The following MLLT10 variants were observed in gnomAD, a reference collection of about 807,000 sequenced individuals.
MLLT10 encodes protein AF-10.
In MLLT10, 30 loss-of-function variants were observed where a neutral mutation model predicts 129.1. That is an observed-to-expected ratio of 0.23 (90% confidence interval 0.17 to 0.32). MLLT10 has a LOEUF of 0.32. Among genes scored for constraint, MLLT10 ranks in the 10% least tolerant of loss-of-function variants. MLLT10 has a pLI of 1.00. For synonymous variants in MLLT10, 490 were observed against 446.4 expected, an observed-to-expected ratio of 1.10 and a Z score of -1.23; for missense variants, 1,119 against 1,268.3, an observed-to-expected ratio of 0.88 and a Z score of 1.79.
At chr10:21,726,416 C>T (rs1030554574) in intron 15 of MLLT10, 61 bp downstream of exon 15, 34 of 1,189,922 alleles carry the variant, frequency 2.9e-5, no homozygotes, top group Non-Finnish European at 3.9e-5. Context: ...ATTTTTTTCC[C>T]CTTTTGGTTC....
intron 3 of MLLT10, among the ~76,000 whole-genome samples, chr10:21,562,768 C>T (rs553454308): frequency 3.4e-4 from 51 of 148,080 alleles, no homozygotes; most frequent in Non-Finnish European, 5.8e-4. Context: ...TTTCTGTGTA[C>T]GAATCTTGCG....
At chr10:21,571,781 T>C (rs1469848728) in intron 3 of MLLT10, among the ~76,000 whole-genome samples, 3 of 152,196 alleles carry the variant, frequency 2.0e-5, no homozygotes, top group African/African-American at 7.2e-5. Flanking sequence ...TTGCTATTCT[T>C]TGTTTTCTTT....
At chr10:21,690,692 T>C (rs963994635) in intron 13 of MLLT10, among the ~76,000 whole-genome samples, 6 of 152,100 alleles carry the variant, frequency 3.9e-5, no homozygotes, top group African/African-American at 1.4e-4. Context: ...TGCCTGCCTG[T>C]CTGTCATTTT....
intron 15 of MLLT10, among the ~76,000 whole-genome samples, chr10:21,726,879 T>C (rs1312365407): frequency 1.3e-5 from 2 of 152,102 alleles, no homozygotes; most frequent in African/African-American, 2.4e-5. Context: ...ATTCATGAAA[T>C]TGTATTACAC....
chr10:21,610,884 A>G (rs1427355847), intron 5 of MLLT10, among the ~76,000 whole-genome samples: 1 of 151,426 alleles, frequency 6.6e-6, no homozygotes, highest in African/African-American at 2.4e-5. Context: ...CAGTGTGTCT[A>G]GATAGGTTTT....
intron 13 of MLLT10, among the ~76,000 whole-genome samples, chr10:21,689,642 TA>T (rs1174801001): frequency 6.8e-5 from 9 of 131,718 alleles, no homozygotes; most frequent in Non-Finnish European, 9.5e-5. Flanking sequence ...CACACACATT[TA>T]TATATATATA....
chr10:21,548,372 T>C (rs1564385319), intron 3 of MLLT10, among the ~76,000 whole-genome samples: 2 of 151,912 alleles, frequency 1.3e-5, no homozygotes, highest in African/African-American at 4.8e-5. Context: ...ATTTTCTATC[T>C]TATCTTTTTT....
intron 13 of MLLT10, chr10:21,708,690 T>C: frequency 1.0e-6 from 1 of 985,270 alleles, no homozygotes; most frequent in South Asian, 4.7e-5. Flanking sequence ...TAAAAACAAT[T>C]TAAGTTTTGA....
intron 9 of MLLT10, among the ~76,000 whole-genome samples, chr10:21,663,126 G>A (rs2050381263): frequency 1.3e-5 from 2 of 152,154 alleles, no homozygotes; most frequent in African/African-American, 4.8e-5. Context: ...ATCTCTGGGG[G>A]ACTCTGTCTC....
chr10:21,615,141 T>C (rs570597079), intron 7 of MLLT10, among the ~76,000 whole-genome samples: 2 of 152,098 alleles, frequency 1.3e-5, no homozygotes, highest in Non-Finnish European at 2.9e-5. Context: ...GTGAATATTC[T>C]AAAGTACTCT....
intron 4 of MLLT10, among the ~76,000 whole-genome samples, chr10:21,587,882 C>T (rs568250832): frequency 6.6e-6 from 1 of 152,208 alleles, no homozygotes; most frequent in Admixed American, 6.5e-5. Flanking sequence ...AATAGTTTTC[C>T]TGCTACTATG....
intron 8 of MLLT10, among the ~76,000 whole-genome samples, chr10:21,618,162 A>G (rs1432282502): frequency 2.6e-5 from 4 of 152,200 alleles, no homozygotes; most frequent in Admixed American, 2.6e-4. Flanking sequence ...TAGATCTCTT[A>G]TCATTTTCAC....
chr10:21,717,398 T>TG (rs1392391103), intron 14 of MLLT10, among the ~76,000 whole-genome samples: 1 of 86,556 alleles, frequency 1.2e-5, no homozygotes. Flanking sequence ...AATTGGCGGG[T>TG]GGGGGGTGGG....
intron 3 of MLLT10, among the ~76,000 whole-genome samples, chr10:21,548,339 A>G (rs2036437068): frequency 1.4e-5 from 2 of 146,378 alleles, no homozygotes; most frequent in Non-Finnish European, 3.0e-5. Context: ...TCTGTTTTTC[A>G]TGTCTTTTAA....
chr10:21,536,451 A>G (rs770016415), intron 2 of MLLT10, among the ~76,000 whole-genome samples: 4 of 152,234 alleles, frequency 2.6e-5, no homozygotes, highest in Non-Finnish European at 4.4e-5. Context: ...GAAAATTTTT[A>G]TTCAAATCTT....
chr10:21,686,921 T>A (rs1399754734), intron 13 of MLLT10, among the ~76,000 whole-genome samples: 1 of 152,104 alleles, frequency 6.6e-6, no homozygotes, highest in Non-Finnish European at 1.5e-5. Flanking sequence ...AGGCGAAGGT[T>A]GCAGTGAGGT....
chr10:21,595,540 G>T, intron 5 of MLLT10, 100 bp downstream of exon 5: 1 of 880,646 alleles, frequency 1.1e-6, no homozygotes, highest in South Asian at 2.3e-5. Context: ...TCAAATCCAG[G>T]GAGATTTGGA....
intron 18 of MLLT10, 88 bp downstream of exon 18, chr10:21,733,175 T>TTA: frequency 7.7e-7 from 1 of 1,296,726 alleles, no homozygotes; most frequent in Non-Finnish European, 1.1e-6. Flanking sequence ...TGGTCACCAG[T>TTA]TATATGAAGA....
chr10:21,584,299 G>A (rs536976438), intron 3 of MLLT10, among the ~76,000 whole-genome samples: 1 of 152,032 alleles, frequency 6.6e-6, no homozygotes, highest in South Asian at 2.1e-4. Flanking sequence ...AAGTAGCTGG[G>A]ACTACAGGCA....
Sources: allele counts gnomAD v4.1 joint callset (sites outside exome capture counted in the v4.1 genomes callset), GRCh38; gene constraint gnomAD v4.1.1; transcripts MANE v1.5; gene names NCBI Gene and HGNC (gene_info 2026-07-23, HGNC 2026-07-21).